Variants in KLHDC4 observed in about 807,000 individuals in gnomAD.
KLHDC4 encodes kelch domain containing 4.
KLHDC4 carries 90 observed loss-of-function variants against 62.4 expected under a neutral mutation model. That is an observed-to-expected ratio of 1.44 (90% CI 1.22 to 1.72). KLHDC4 has a LOEUF of 1.72. Ranked by LOEUF, KLHDC4 falls within the 40% of genes most tolerant of loss-of-function variation. The pLI is 0.00. For missense variants in KLHDC4, 1,025 were observed against 699.7 expected, an observed-to-expected ratio of 1.47 and a Z score of -5.25; for synonymous variants, 386 against 284.4, an observed-to-expected ratio of 1.36 and a Z score of -3.59.
chr16:87,707,245 G>C (rs2034846044), downstream of KLHDC4, among the ~76,000 whole-genome samples: 2 of 152,254 alleles, frequency 1.3e-5, no homozygotes, highest in African/African-American at 4.8e-5. Flanking sequence ...GCTGAAGCCA[G>C]GAGGAGCTGG....
downstream of KLHDC4, among the ~76,000 whole-genome samples, chr16:87,706,185 G>T (rs1256247056): frequency 8.0e-6 from 1 of 125,178 alleles, no homozygotes; most frequent in Non-Finnish European, 1.7e-5. Flanking sequence ...AGCCCTCGGG[G>T]GGGGGTCAGC....
chr16:87,725,357 G>T (rs923777329), intron 7 of KLHDC4, among the ~76,000 whole-genome samples: 1 of 152,164 alleles, frequency 6.6e-6, no homozygotes, highest in East Asian at 1.9e-4. Context: ...AGTAGAGACG[G>T]GGTTTCACAG....
At chr16:87,761,308 G>A (rs757530694) in intron 2 of KLHDC4, among the ~76,000 whole-genome samples, 14 of 152,144 alleles carry the variant, frequency 9.2e-5, no homozygotes, top group Non-Finnish European at 1.6e-4. Context: ...CCTCATTAAT[G>A]CAAACGCAGC....
chr16:87,701,085 G>A (rs2034122869), exon 1 of KLHDC4: 1 of 186,520 alleles, frequency 5.4e-6, no homozygotes, highest in African/African-American at 2.4e-5. Context: ...AAAAAGCCAG[G>A]CTGTATTTTC....
At chr16:87,731,457 T>A (rs1379398683) in intron 5 of KLHDC4, among the ~76,000 whole-genome samples, 4 of 147,296 alleles carry the variant, frequency 2.7e-5, no homozygotes, top group East Asian at 2.0e-4. Context: ...GATAGAAAAA[T>A]GGGGGGAAAA....
At chr16:87,760,968 G>T (rs1465855034) in intron 2 of KLHDC4, among the ~76,000 whole-genome samples, 3 of 152,076 alleles carry the variant, frequency 2.0e-5, no homozygotes, top group Non-Finnish European at 2.9e-5. Flanking sequence ...GGGAGGCAGA[G>T]GTTGTAGTGA....
rs902252898 is a variant in KLHDC4, at chr16:87,699,216, G to A, written c.*2423C>T. 6.6e-5 allele frequency: 10 copies of A among 152,264 alleles called. 1 individual carries two copies. Among genetic ancestry groups the A allele is most frequent in the African/African-American group, 2.4e-4 (10 of 41,458 alleles). The allele number at this position is 152,264 out of a possible 1,614,324, so 9.4% of individuals were successfully genotyped here. A position where few individuals can be genotyped will look rare whatever the true frequency, so the allele number is the denominator to read the frequency against. On this transcript the variant is annotated 3_prime_UTR_variant, in exon 1 of 1. Coordinates refer to the KLHDC4 transcript ENST00000446344. ...TTTACTTACCAGCCTCTGCACACTG[G>A]ATGGACTGGTGCTTTCTGAAGTTCA...
intron 7 of KLHDC4, among the ~76,000 whole-genome samples, chr16:87,718,252 C>T (rs1218573330): frequency 6.6e-6 from 1 of 151,624 alleles, no homozygotes; most frequent in Non-Finnish European, 1.5e-5. Context: ...TTTACATTCA[C>T]GCAGTCTTTC....
intron 5 of KLHDC4, among the ~76,000 whole-genome samples, chr16:87,744,289 T>C (rs995390872): frequency 2.6e-4 from 39 of 151,938 alleles, no homozygotes; most frequent in Non-Finnish European, 4.1e-4. Flanking sequence ...GTGGCGGGCA[T>C]CTGTAATCCC....
intron 7 of KLHDC4, among the ~76,000 whole-genome samples, chr16:87,716,123 G>A (rs961204867): frequency 6.7e-6 from 1 of 149,712 alleles, no homozygotes; most frequent in African/African-American, 2.4e-5. Flanking sequence ...TACACACTAT[G>A]GTCTTGTGGA....
intron 9 of KLHDC4, chr16:87,710,018 C>T: frequency 3.9e-6 from 1 of 256,746 alleles, no homozygotes; most frequent in Non-Finnish European, 7.5e-6. Context: ...CCTGGGAAAA[C>T]CCAATCACCC....
intron 4 of KLHDC4, among the ~76,000 whole-genome samples, chr16:87,752,264 AC>A (rs2044122211): frequency 6.7e-6 from 1 of 149,936 alleles, no homozygotes; most frequent in African/African-American, 2.4e-5. Flanking sequence ...AAAAAAAAAG[AC>A]CAAAAAGAAA....
chr16:87,718,870 G>A (rs78428151), intron 7 of KLHDC4, among the ~76,000 whole-genome samples: 6 of 151,100 alleles, frequency 4.0e-5, no homozygotes, highest in Non-Finnish European at 5.9e-5. Flanking sequence ...GCCTCTGTCC[G>A]GCCGCGACCC....
intron 5 of KLHDC4, among the ~76,000 whole-genome samples, chr16:87,743,954 A>G (rs1326445814): frequency 2.6e-5 from 4 of 151,618 alleles, no homozygotes; most frequent in Non-Finnish European, 5.9e-5. Context: ...AGCAAACGCA[A>G]TCCAGTCAAA....
Position 87,726,755 on chromosome 16 carries a change from C to T in KLHDC4, c.759+10G>A. ...CCACGCCTTGCCTGTTTCCCCACCC[C>T]CCGCCTTACCTGTTTCGAGTAGCCC... On this transcript the variant is annotated intron_variant, in intron 7 of 11. Transcript: ENST00000270583. 6.5e-7 allele frequency: 1 copy of T among 1,547,014 alleles called. No individual in the cohort carries two copies. The highest frequency in any genetic ancestry group is 8.7e-7 in the Non-Finnish European group (1 of 1,151,316).
At chr16:87,718,869 C>T (rs878993761) in intron 7 of KLHDC4, among the ~76,000 whole-genome samples, 29 of 150,068 alleles carry the variant, frequency 1.9e-4, no homozygotes, top group Non-Finnish European at 3.4e-4. Flanking sequence ...TGCCTCTGTC[C>T]GGCCGCGACC....
At chr16:87,703,619 G>A (rs1247566276), downstream of KLHDC4, among the ~76,000 whole-genome samples, 1 of 152,242 alleles carries the variant, frequency 6.6e-6, no homozygotes, top group East Asian at 1.9e-4. Context: ...CCTCAGTGAA[G>A]CCTGAGTCCA....
chr16:87,747,726 C>A, intron 5 of KLHDC4: 1 of 152,472 alleles, frequency 6.6e-6, no homozygotes, highest in Non-Finnish European at 1.5e-5. Flanking sequence ...AGCAGTGCAG[C>A]CAGCGAACAG....
exon 1 of KLHDC4, chr16:87,700,218 A>T (rs1201326705): frequency 6.5e-6 from 1 of 154,290 alleles, no homozygotes; most frequent in East Asian, 1.9e-4. Context: ...ACTCTTCCGA[A>T]GTTTGATCTG....
Sources: allele counts gnomAD v4.1 joint callset (sites outside exome capture counted in the v4.1 genomes callset), GRCh38; gene constraint gnomAD v4.1.1; transcripts MANE v1.5; gene names NCBI Gene and HGNC (gene_info 2026-07-23, HGNC 2026-07-21).